NRG1: variants seen among roughly 807,000 people sequenced by gnomAD.
NRG1 encodes pro-neuregulin-1, membrane-bound isoform.
NRG1 carries 18 observed loss-of-function variants against 63.8 expected under a neutral mutation model. That is an observed-to-expected ratio of 0.28 (90% CI 0.19 to 0.42). NRG1 has a LOEUF of 0.42. NRG1 is among the 10% of genes least tolerant of loss of function. The pLI is 1.00. For synonymous variants in NRG1, 302 were observed against 301.3 expected (o/e 1.00, Z -0.02); for missense variants, 762 against 814.7 (o/e 0.94, Z 0.79).
intron 5 of NRG1, among the ~76,000 whole-genome samples, chr8:32,669,437 A>T (rs1805057982): frequency 6.6e-6 from 1 of 152,160 alleles, no homozygotes; most frequent in Non-Finnish European, 1.5e-5. Context: ...AGAACTTTTA[A>T]TGTGGACCTC....
intron 1 of NRG1, among the ~76,000 whole-genome samples, chr8:31,745,172 T>G (rs2131422648): frequency 6.6e-6 from 1 of 152,080 alleles, no homozygotes; most frequent in Non-Finnish European, 1.5e-5. Flanking sequence ...GCTTTTATTT[T>G]ATGACTATTA....
At chr8:32,129,985 C>A (rs1482229852) in intron 1 of NRG1, among the ~76,000 whole-genome samples, 1 of 151,878 alleles carries the variant, frequency 6.6e-6, no homozygotes, top group African/African-American at 2.4e-5. Flanking sequence ...TTATGATAAT[C>A]CATCACCAAA....
At chr8:31,759,362 C>G (rs1318773665) in intron 1 of NRG1, among the ~76,000 whole-genome samples, 1 of 151,876 alleles carries the variant, frequency 6.6e-6, no homozygotes, top group African/African-American at 2.4e-5. Context: ...GATCTTCAGA[C>G]TTTTAGCTTA....
intron 1 of NRG1, chr8:31,639,867 A>G: frequency 9.1e-7 from 1 of 1,103,506 alleles, no homozygotes; most frequent in Non-Finnish European, 1.1e-6. Context: ...AAATAAAAGG[A>G]GGAGGGCAAG....
intron 5 of NRG1, among the ~76,000 whole-genome samples, chr8:32,667,059 A>G (rs1804370140): frequency 6.6e-6 from 1 of 152,216 alleles, no homozygotes; most frequent in Admixed American, 6.5e-5. Context: ...CTGTACGAAC[A>G]TCATAGAGTG....
chr8:32,511,723 A>G (rs996585874), intron 1 of NRG1, among the ~76,000 whole-genome samples: 13 of 152,128 alleles, frequency 8.5e-5, no homozygotes, highest in African/African-American at 2.9e-4. Context: ...GCTCATGGAT[A>G]AAAACAATAA....
chr8:31,802,196 G>A (rs576589072), intron 1 of NRG1, among the ~76,000 whole-genome samples: 8 of 152,114 alleles, frequency 5.3e-5, no homozygotes, highest in Non-Finnish European at 7.4e-5. Context: ...TGTTCTTTTC[G>A]GAAAATATTT....
At chr8:32,646,779 T>G (rs1466948999) in intron 5 of NRG1, 1 of 985,212 alleles carries the variant, frequency 1.0e-6, no homozygotes, top group Non-Finnish European at 1.2e-6. Flanking sequence ...TGGCCTTTAT[T>G]CCTTCTAATT....
chr8:32,203,937 G>A (rs1843751027), intron 1 of NRG1, among the ~76,000 whole-genome samples: 1 of 152,030 alleles, frequency 6.6e-6, no homozygotes, highest in Admixed American at 6.6e-5. Context: ...AGAGGAATAG[G>A]ATATATTGAG....
intron 1 of NRG1, among the ~76,000 whole-genome samples, chr8:32,148,582 A>T (rs886118603): frequency 2.0e-5 from 3 of 152,164 alleles, no homozygotes; most frequent in Non-Finnish European, 4.4e-5. Flanking sequence ...ATACTACCTC[A>T]GTTAATTTAG....
At chr8:31,869,733 AACTC>A (rs1157100109) in intron 1 of NRG1, among the ~76,000 whole-genome samples, 2 of 152,224 alleles carry the variant, frequency 1.3e-5, no homozygotes, top group Non-Finnish European at 2.9e-5. Context: ...TCTAAAAGCT[AACTC>A]ATTCATTAAA....
intron 5 of NRG1, among the ~76,000 whole-genome samples, chr8:32,680,504 C>G (rs190156723): frequency 6.6e-6 from 1 of 152,198 alleles, no homozygotes; most frequent in Admixed American, 6.5e-5. Flanking sequence ...CGTGTGAGAA[C>G]CTGATTTCTG....
intron 1 of NRG1, among the ~76,000 whole-genome samples, chr8:32,340,805 G>A (rs1420472542): frequency 2.6e-5 from 4 of 152,192 alleles, no homozygotes; most frequent in Non-Finnish European, 4.4e-5. Flanking sequence ...TCAGGGGTCA[G>A]CAAATGATAG....
chr8:32,507,577 A>C (rs1418745495), intron 1 of NRG1, among the ~76,000 whole-genome samples: 1 of 152,214 alleles, frequency 6.6e-6, no homozygotes, highest in Non-Finnish European at 1.5e-5. Context: ...AAACAACAAC[A>C]AAAAAACTAA....
intron 1 of NRG1, among the ~76,000 whole-genome samples, chr8:31,854,970 T>A (rs1827690856): frequency 2.0e-5 from 3 of 152,248 alleles, no homozygotes; most frequent in Admixed American, 6.5e-5. Context: ...CACTGTGATC[T>A]GAGAGATAGT....
intron 1 of NRG1, among the ~76,000 whole-genome samples, chr8:31,999,866 G>T (rs1042715248): frequency 3.9e-5 from 6 of 151,946 alleles, no homozygotes; most frequent in Non-Finnish European, 8.8e-5. Flanking sequence ...AAAAAAATGT[G>T]CATTTTTTTT....
chr8:32,541,774 G>A (rs997370490), intron 1 of NRG1, among the ~76,000 whole-genome samples: 4 of 152,038 alleles, frequency 2.6e-5, no homozygotes, highest in Non-Finnish European at 5.9e-5. Context: ...GAAAATGACC[G>A]CCAAGTATGT....
At chr8:31,667,206 A>G (rs918282221) in intron 1 of NRG1, among the ~76,000 whole-genome samples, 2 of 152,168 alleles carry the variant, frequency 1.3e-5, no homozygotes, top group East Asian at 1.9e-4. Context: ...CTGATTTACC[A>G]ATTTTCTGGG....
intron 5 of NRG1, among the ~76,000 whole-genome samples, chr8:32,632,561 A>AT (rs1219958110): frequency 6.6e-6 from 1 of 151,818 alleles, no homozygotes; most frequent in East Asian, 1.9e-4. Flanking sequence ...AAAAAAAAAA[A>AT]AAAAAATGGA....
Sources: gnomAD v4.1 joint callset for allele counts (sites outside exome capture counted in the v4.1 genomes callset) on GRCh38, gnomAD v4.1.1 for gene constraint, MANE v1.5 for transcripts, NCBI Gene and HGNC (gene_info 2026-07-23, HGNC 2026-07-21) for gene names.